Variants in UBR4 observed in about 807,000 individuals in gnomAD.
UBR4 encodes the protein E3 ubiquitin-protein ligase UBR4.
In UBR4, 124 loss-of-function variants were observed where a neutral mutation model predicts 575.6. That is an observed-to-expected ratio of 0.22 (90% CI 0.19 to 0.25). The LOEUF is 0.25. Ranked by LOEUF, UBR4 falls within the 10% of genes least tolerant of loss-of-function variation. UBR4 has a pLI of 1.00. For synonymous variants in UBR4, 2,455 were observed against 2,473.7 expected (o/e 0.99, Z 0.22); for missense variants, 4,818 against 6,478.8 (o/e 0.74, Z 8.80).
rs372867016 is a variant in UBR4, at chr1:19,157,824, C to T, written c.5751G>A (p.Glu1917=). 4 of 1,614,012 alleles carry T rather than the reference C, an allele frequency of 2.5e-6. No individual in the cohort carries two copies. The highest frequency in any genetic ancestry group is 3.4e-6 in the Non-Finnish European group (4 of 1,179,958). ...GRRQHLAVSH[E]KGKITVLQLS... is the part of the protein sequence containing the mutation. ...GAATTGGAGGACCCACCTTGCCCTT[C>T]TCATGGCTGACAGCCAAATGTTGGC... The change falls in exon 40 of 106, where the codon GAG becomes GAA. Residue 1917 remains glutamate (E), a synonymous_variant. Transcript: ENST00000375254. This position sits in a 1 kb window ranked among gnomAD's most constrained non-coding sequence, Gnocchi z 4.4.
rs904693068 is a variant in UBR4 at position 19,104,605 on chromosome 1, T to C, written c.12707A>G (p.Tyr4236Cys). The part of the protein sequence containing the change: ...ATLSTDLQQG[Y>C]ALKSLTGLLS... ...TTTACCTGTGAGACTTTTAAGGGCA[T>C]AACCCTGCTGCAGATCGGTACTCAG... Residue 4236 changes from tyrosine to cysteine, a missense_variant, in exon 86 of 106, where the codon TAT (tyrosine) becomes TGT (cysteine). Physicochemically the swap from Tyr to Cys is radical, Grantham distance 194. This residue lies in a region of UBR4 where 105 missense variants were observed against 232.8 expected (regional missense o/e 0.45). Coordinates refer to ENST00000375254, the MANE Select transcript of UBR4 (RefSeq NM_020765.3). The C allele has an allele frequency of 1.2e-5, 20 of 1,613,988 alleles. No individual in the cohort carries two copies. Among genetic ancestry groups the C allele is most frequent in the African/African-American group, 1.3e-5 (1 of 74,908 alleles).
At chr1:19,121,739 C>A (rs2081201088) in intron 67 of UBR4, among the ~76,000 whole-genome samples, 195 bp downstream of exon 67, 1 of 152,152 alleles carries the variant, frequency 6.6e-6, no homozygotes, top group Non-Finnish European at 1.5e-5. Context: ...GCTTCTACAG[C>A]TCCCCAAACT....
chr1:19,112,552 C>T lies in UBR4; in HGVS notation c.11773G>A (p.Val3925Ile). 1 of 1,613,220 alleles carries T rather than the reference C, an allele frequency of 6.2e-7. No homozygotes were observed. Among genetic ancestry groups the T allele is most frequent in the Non-Finnish European group, 8.5e-7 (1 of 1,179,488 alleles). ...RRGAAAMREE[V>I]RQLMCLLTRD... Reference sequence around the variant, plus strand: ...GTTAGGAGGCACATGAGCTGGCGGACCTCCTCCCGCATGGCCGCAGCCCCT... The same window carrying T: ...GTTAGGAGGCACATGAGCTGGCGGATCTCCTCCCGCATGGCCGCAGCCCCT... The change falls in exon 78 of 106, where the codon GTC becomes ATC. Residue 3925 changes from valine (V) to isoleucine (I), a missense_variant. By Grantham distance (29) the Val-to-Ile change is conservative. Transcript: ENST00000375254.
intron 102 of UBR4, chr1:19,081,948 A>C: frequency 1.7e-6 from 1 of 595,980 alleles, no homozygotes; most frequent in Non-Finnish European, 3.0e-6. Context: ...TGACTTGCCC[A>C]AAGTCAGCAA....
Position 19,192,254 on chromosome 1 carries a change from C to T in UBR4, c.1328G>A (p.Arg443Gln). Residue 443 changes from arginine (R) to glutamine (Q), a missense_variant, in exon 11 of 106, where the codon CGA becomes CAA. Around this residue, in one of 29 missense-constraint regions of UBR4, gnomAD observed 162 missense variants for 216.4 expected, o/e 0.75. Coordinates refer to ENST00000375254, the MANE Select transcript of UBR4 (RefSeq NM_020765.3). Reference sequence around the variant, plus strand: ...AGTACGAGAAAGGATGTCTCTGACTCGGAGGGCAGCCAGTGGGTCCTTCTC... The same window carrying T: ...AGTACGAGAAAGGATGTCTCTGACTTGGAGGGCAGCCAGTGGGTCCTTCTC... ...GKEKDPLAAL[R>Q]VRDILSRTKE... 6.2e-7 allele frequency: 1 copy of T among 1,614,150 alleles called. No homozygotes were observed. Among genetic ancestry groups the T allele is most frequent in the Non-Finnish European group, 8.5e-7 (1 of 1,180,020 alleles).
intron 60 of UBR4, among the ~76,000 whole-genome samples, chr1:19,137,616 A>C (rs576800343): frequency 1.3e-5 from 2 of 152,186 alleles, no homozygotes; most frequent in Non-Finnish European, 2.9e-5. Context: ...CTTCTAGGAC[A>C]CCTAATACGT....
chr1:19,103,333 G>A (rs1435232347), intron 87 of UBR4, among the ~76,000 whole-genome samples: 2 of 152,170 alleles, frequency 1.3e-5, no homozygotes, highest in Non-Finnish European at 2.9e-5. Context: ...GGGAGGCCGA[G>A]GCAGGCGGAT....
Position 19,110,772 on chromosome 1 carries a change from G to A in UBR4, c.11862C>T (p.Ala3954=), listed in dbSNP as rs1375680752. The A allele has an allele frequency of 6.2e-7, 1 of 1,614,186 alleles. No individual in the cohort carries two copies. The highest frequency in any genetic ancestry group is 8.5e-7 in the Non-Finnish European group (1 of 1,180,024). ...NDLIIGKVST[A]LKGHWANPDL... The stretch of plus-strand genomic sequence containing the variant: ...CGGGGTTGGCCCAGTGGCCCTTCAG[G>A]GCTGTGGAGACCTTGCCAATAATCA... The change falls in exon 79 of 106, where the codon GCC becomes GCT. Residue 3954 remains alanine, a synonymous_variant. Coordinates refer to ENST00000375254, the MANE Select transcript of UBR4 (RefSeq NM_020765.3). This position sits in a 1 kb window ranked among gnomAD's most constrained non-coding sequence, Gnocchi z 4.5.
Position 19,100,592 on chromosome 1 carries a change from G to C in UBR4, c.13024-19C>G. The C allele has an allele frequency of 6.2e-7, 1 of 1,613,032 alleles. No homozygotes were observed. ...TCTCCTCCTGGAGGACAGACAGAAG[G>C]GTGCATCAGAAGGGATGGCAGAGGT... is the stretch of plus-strand genomic sequence containing the variant. On this transcript the variant is annotated intron_variant, in intron 88 of 105. Coordinates refer to ENST00000375254, the MANE Select transcript of UBR4 (RefSeq NM_020765.3). This position sits in a 1 kb window ranked among gnomAD's most constrained non-coding sequence, Gnocchi z 4.2.
chr1:19,162,716 T>C (rs2087584755), intron 34 of UBR4, 105 bp from the exon 35 acceptor site: 1 of 1,341,146 alleles, frequency 7.5e-7, no homozygotes, highest in Non-Finnish European at 1.0e-6. Flanking sequence ...AGAAATGGTA[T>C]GAGAGCAGAG....
intron 11 of UBR4, among the ~76,000 whole-genome samples, chr1:19,189,249 T>C (rs2091845066): frequency 6.6e-6 from 1 of 152,210 alleles, no homozygotes; most frequent in African/African-American, 2.4e-5. Context: ...AGATTAGTGT[T>C]ACTTTTCTAA....
Position 19,193,569 on chromosome 1 carries a change from G to A in UBR4, c.1019-12C>T. The A allele has an allele frequency of 6.2e-7, 1 of 1,611,914 alleles. No homozygotes were observed. The highest frequency in any genetic ancestry group is 1.3e-5 in the African/African-American group (1 of 74,966). On this transcript the variant is annotated splice_polypyrimidine_tract_variant and intron_variant, in intron 8 of 105. Transcript: ENST00000375254. ...TGCCACACTCACACCTGAAAAAGAA[G>A]ATGCACAGGTCTCAGCCATGGAGTG...
At chr1:19,079,001 TAAGTA>T (rs1328846777) in intron 103 of UBR4, 1 of 152,164 alleles carries the variant, frequency 6.6e-6, no homozygotes, top group Non-Finnish European at 1.5e-5. Context: ...ACATCTGTAA[TAAGTA>T]AAGCCTAGGT....
In UBR4 at chr1:19,155,355, G is replaced by A. The variant is rs79789247; in HGVS notation, c.6300+86C>T. ...AGTTAGATGAAGTCCACAGAAAAATGTTATAAAAGAACAAAGAAAAAAGAA... is the reference window on the plus strand; with the variant it reads ...AGTTAGATGAAGTCCACAGAAAAATATTATAAAAGAACAAAGAAAAAAGAA... On this transcript the variant is annotated intron_variant, in intron 43 of 105. Coordinates refer to ENST00000375254, the MANE Select transcript of UBR4 (RefSeq NM_020765.3). The A allele has an allele frequency of 0.027, 36,327 of 1,367,880 alleles. 626 individuals are homozygous for A. The highest frequency in any genetic ancestry group is 0.058 in the South Asian group (4,237 of 72,738). The allele number at this position is 1,367,880 out of a possible 1,614,324, so 84.7% of individuals were successfully genotyped here.
chr1:19,183,703 C>A, intron 17 of UBR4, 108 bp downstream of exon 17: 3 of 1,160,096 alleles, frequency 2.6e-6, no homozygotes, highest in Non-Finnish European at 3.8e-6. Context: ...GCCTGGGTAA[C>A]AGAGCAAGAC....
chr1:19,185,023 G>T, intron 15 of UBR4, 76 bp downstream of exon 15: 11 of 1,559,406 alleles, frequency 7.1e-6, no homozygotes, highest in Non-Finnish European at 9.7e-6. Flanking sequence ...CAAAATGTTT[G>T]CATTCAAATT....
At chr1:19,198,994 C>A in intron 3 of UBR4, 66 bp from the exon 4 acceptor site, 2 of 1,559,544 alleles carry the variant, frequency 1.3e-6, no homozygotes, top group Non-Finnish European at 1.7e-6. Context: ...AAATTCTACT[C>A]TTTTGGAAAT....
chr1:19,168,053 C>T lies in UBR4; in HGVS notation c.3873G>A (p.Leu1291=). ...AASLKHTLLS[L]VRLTGDLIVW... is the part of the protein sequence containing the mutation. ...CAATAAGATCTCCAGTCAACCTGAC[C>T]AGTGAGAGGAGGGTATGCTTCAGGG... The change falls in exon 28 of 106, where the codon CTG becomes CTA. Residue 1291 remains leucine, a synonymous_variant. Coordinates refer to ENST00000375254, the MANE Select transcript of UBR4 (RefSeq NM_020765.3). The T allele has an allele frequency of 6.2e-7, 1 of 1,613,138 alleles. No individual in the cohort carries two copies.
chr1:19,154,507 C>T (rs543814391), intron 44 of UBR4, among the ~76,000 whole-genome samples: 1 of 152,162 alleles, frequency 6.6e-6, no homozygotes, highest in Non-Finnish European at 1.5e-5. Context: ...CATATCCAAC[C>T]ATGCCCCCAT....
Sources: allele counts gnomAD v4.1 joint callset (sites outside exome capture counted in the v4.1 genomes callset), GRCh38; gene constraint gnomAD v4.1.1; regional missense constraint gnomAD v4.1.1; non-coding constraint Gnocchi (gnomAD v3.1); transcripts MANE v1.5; gene names NCBI Gene and HGNC (gene_info 2026-07-23, HGNC 2026-07-21).